GDPD5: variants seen among roughly 807,000 people sequenced by gnomAD.
GDPD5 encodes glycerophosphodiester phosphodiesterase domain containing 5, also known as glycerophosphodiester phosphodiesterase 2.
A neutral mutation model predicts 75.1 loss-of-function variants in GDPD5; 48 were observed. The observed-to-expected ratio is 0.64, with a 90% confidence interval of 0.51 to 0.81. GDPD5 has a LOEUF of 0.81. GDPD5 is among the 40% of genes least tolerant of loss of function. GDPD5 has a pLI of 0.00. For synonymous variants in GDPD5, 336 were observed against 339.0 expected (o/e 0.99, Z 0.10); for missense variants, 706 against 822.6 (o/e 0.86, Z 1.73).
At chr11:75,511,467 T>C (rs1244547816) in intron 1 of GDPD5, among the ~76,000 whole-genome samples, 1 of 152,204 alleles carries the variant, frequency 6.6e-6, no homozygotes, top group Non-Finnish European at 1.5e-5. Context: ...TTAAAGACCC[T>C]GAGAAGGCCT....
rs904980729 is a variant in GDPD5, at chr11:75,434,703, A to C, written c.*804T>G. ...AGGTTCCCTCTGTTCAGGCCCACTT[A>C]GCCACACACCCACCCTGGCCATATC... On this transcript the variant is annotated 3_prime_UTR_variant, in exon 17 of 17. Coordinates refer to ENST00000336898, the MANE Select transcript of GDPD5 (RefSeq NM_030792.8). 1.3e-5 allele frequency: 2 copies of C among 152,226 alleles called. No individual in the cohort carries two copies. The highest frequency in any genetic ancestry group is 2.9e-5 in the Non-Finnish European group (2 of 68,068). The allele number at this position is 152,226 out of a possible 1,614,324, so 9.4% of individuals were successfully genotyped here.
intron 9 of GDPD5, among the ~76,000 whole-genome samples, chr11:75,445,997 G>T (rs1003941579): frequency 2.0e-5 from 3 of 152,226 alleles, no homozygotes; most frequent in Non-Finnish European, 4.4e-5. Flanking sequence ...CTGTCTCCCA[G>T]TCCAGTGGGT....
chr11:75,445,746 T>C (rs1336648932), intron 9 of GDPD5, among the ~76,000 whole-genome samples: 1 of 152,176 alleles, frequency 6.6e-6, no homozygotes, highest in Non-Finnish European at 1.5e-5. Context: ...AGCCTAGCAC[T>C]GGGGAGCCAG....
At chr11:75,483,710 A>C (rs1949966994) in intron 2 of GDPD5, among the ~76,000 whole-genome samples, 1 of 152,226 alleles carries the variant, frequency 6.6e-6, no homozygotes, top group South Asian at 2.1e-4. Flanking sequence ...AACAACATGA[A>C]TCTTGAAGAC....
chr11:75,468,968 AC>A (rs1391542720), intron 3 of GDPD5, among the ~76,000 whole-genome samples: 1 of 152,226 alleles, frequency 6.6e-6, no homozygotes, highest in Non-Finnish European at 1.5e-5. Flanking sequence ...CAGCACGATT[AC>A]AGATGTAAGC....
At chr11:75,518,531 C>T (rs1950690344) in intron 1 of GDPD5, among the ~76,000 whole-genome samples, 1 of 152,174 alleles carries the variant, frequency 6.6e-6, no homozygotes, top group South Asian at 2.1e-4. Flanking sequence ...TAAAAGTTTC[C>T]CAGATGATTC....
chr11:75,465,813 C>T (rs931040434), intron 3 of GDPD5, among the ~76,000 whole-genome samples: 3 of 152,140 alleles, frequency 2.0e-5, no homozygotes, highest in South Asian at 2.1e-4. Flanking sequence ...GGGTGAGCCT[C>T]GGCCTAGGAT....
At chr11:75,518,044 T>C (rs193101463) in intron 1 of GDPD5, among the ~76,000 whole-genome samples, 20 of 152,328 alleles carry the variant, frequency 1.3e-4, no homozygotes, top group Non-Finnish European at 2.6e-4. Context: ...GGGCTGGGTG[T>C]TGATCCCACC....
chr11:75,440,073 G>C (rs886796146), intron 14 of GDPD5, 112 bp from the exon 15 acceptor site: 25 of 746,892 alleles, frequency 3.3e-5, no homozygotes, highest in Non-Finnish European at 5.2e-5. Context: ...GGAAGGGCAA[G>C]GGAGGACCCT....
At chr11:75,437,297 G>T (rs1180823071) in intron 15 of GDPD5, 1 of 525,690 alleles carries the variant, frequency 1.9e-6, no homozygotes, top group Non-Finnish European at 3.4e-6. Flanking sequence ...CCTGGCCCAG[G>T]ACTAGGGTTG....
Position 75,457,758 on chromosome 11 carries a change from T to C in GDPD5, c.250A>G (p.Ser84Gly). 6.2e-7 allele frequency: 1 copy of C among 1,613,980 alleles called. No homozygotes were observed. The highest frequency in any genetic ancestry group is 8.5e-7 in the Non-Finnish European group (1 of 1,179,960). The change falls in exon 5 of 17, where the codon AGC (serine) becomes GGC (glycine). Residue 84 changes from serine to glycine, a missense_variant. By Grantham distance (56) the Ser-to-Gly change is moderately conservative (BLOSUM62 0). Coordinates refer to ENST00000336898, the MANE Select transcript of GDPD5 (RefSeq NM_030792.8). ...WYLYNRMGYW[S>G]DWPVPILVTT... ...ACAAGGATGGGTACGGGCCAGTCGC[T>C]CCAGTAGCCCATGCGGTTGTAGAGG...
In GDPD5 at chr11:75,449,484, T is replaced by C. The variant is rs767210590; in HGVS notation, c.568+33A>G. 1.1e-5 allele frequency: 17 copies of C among 1,530,572 alleles called. No individual in the cohort carries two copies. The East Asian group carries it at 4.1e-4, about 37-fold the overall frequency. The allele number at this position is 1,530,572 out of a possible 1,614,324, so 94.8% of individuals were successfully genotyped here. ...CAGCTGGTCTTGGCACCTGCAGGGA[T>C]TGGAGGGGCAGGCCCTTCACAGTTC... is the stretch of plus-strand genomic sequence containing the variant. On this transcript the variant is annotated intron_variant, in intron 8 of 16. Coordinates refer to ENST00000336898, the MANE Select transcript of GDPD5 (RefSeq NM_030792.8).
intron 15 of GDPD5, chr11:75,439,438 A>G (rs1948725508): frequency 1.4e-5 from 6 of 438,506 alleles, no homozygotes; most frequent in Non-Finnish European, 2.8e-5. Context: ...TGGGACAGAG[A>G]GAGAACATCA....
At position 75,457,693 on chromosome 11, in the gene GDPD5, C is replaced by T; in HGVS notation, c.315G>A (p.Leu105=). The change falls in exon 5 of 17, where the codon CTG becomes CTA. Residue 105 remains leucine, a splice_region_variant and synonymous_variant. Coordinates refer to ENST00000336898, the MANE Select transcript of GDPD5 (RefSeq NM_030792.8). ...AAAFAYIAGL[L]VLALCHIAVG... Reference sequence around the variant, plus strand: ...TGCCCTCCAAAACAGCCCCATGTACCAGGAGGCCAGCGATGTATGCGAAGG... The same window carrying T: ...TGCCCTCCAAAACAGCCCCATGTACTAGGAGGCCAGCGATGTATGCGAAGG... The T allele has an allele frequency of 1.2e-6, 2 of 1,613,996 alleles. No homozygotes were observed. The highest frequency in any genetic ancestry group is 1.7e-6 in the Non-Finnish European group (2 of 1,179,874).
intron 2 of GDPD5, among the ~76,000 whole-genome samples, chr11:75,479,990 T>A (rs1949871525): frequency 6.6e-6 from 1 of 152,344 alleles, no homozygotes; most frequent in East Asian, 1.9e-4. Context: ...TTTGGGTTGT[T>A]ATACATAATG....
In GDPD5 at chr11:75,443,173, G is replaced by A. The variant is rs1948877998; in HGVS notation, c.911C>T (p.Thr304Ile). 2 of 1,605,444 alleles carry A rather than the reference G, an allele frequency of 1.2e-6. No homozygotes were observed. The highest frequency in any genetic ancestry group is 2.2e-5 in the East Asian group (1 of 44,630). The change falls in exon 11 of 17, where the codon ACC becomes ATC. Residue 304 changes from threonine (T) to isoleucine (I), a missense_variant. Coordinates refer to ENST00000336898, the MANE Select transcript of GDPD5 (RefSeq NM_030792.8). ...CTGGCCAGCGTTGAGTCTCTGCAGG[G>A]TGGTCCAGTTAAGCATGGAGGCAGG... ...RRPASMLNWT[T>I]LQRLNAGQWF...
intron 5 of GDPD5, among the ~76,000 whole-genome samples, chr11:75,457,040 C>T (rs1467779832): frequency 6.6e-6 from 1 of 152,254 alleles, no homozygotes; most frequent in Non-Finnish European, 1.5e-5. Flanking sequence ...TAGGCTCTTC[C>T]TCTGTGTGAT....
chr11:75,489,427 G>A (rs1950070730), intron 2 of GDPD5, among the ~76,000 whole-genome samples: 2 of 152,200 alleles, frequency 1.3e-5, no homozygotes, highest in Admixed American at 1.3e-4. Flanking sequence ...AAATGTCGAG[G>A]TTTCACCTTG....
intron 6 of GDPD5, among the ~76,000 whole-genome samples, chr11:75,456,165 G>T (rs1949281852): frequency 6.6e-6 from 1 of 152,174 alleles, no homozygotes; most frequent in Admixed American, 6.5e-5. Flanking sequence ...TGCTGGGAGA[G>T]CATGAGATGT....
Sources: gnomAD v4.1 joint callset for allele counts (sites outside exome capture counted in the v4.1 genomes callset) on GRCh38, gnomAD v4.1.1 for gene constraint, MANE v1.5 for transcripts, NCBI Gene and HGNC (gene_info 2026-07-23, HGNC 2026-07-21) for gene names.